RBFOX1: variants seen among roughly 807,000 people sequenced by gnomAD.
RBFOX1 encodes RNA binding protein fox-1 homolog 1.
In RBFOX1, 8 loss-of-function variants were observed where a neutral mutation model predicts 57.7. The ratio of observed to expected loss-of-function variants is 0.14; its 90% CI spans 0.08 to 0.25. The LOEUF is 0.25. Among genes scored for constraint, RBFOX1 ranks in the 10% least tolerant of loss-of-function variants. The probability of loss-of-function intolerance (pLI) is 1.00; values close to 1 mark genes in which losing one functional copy is unlikely to be tolerated. For missense variants in RBFOX1, 611 were observed against 548.5 expected (o/e 1.11, Z -1.14); for synonymous variants, 326 against 222.4 (o/e 1.47, Z -4.15).
At chr16:7,043,128 C>T (rs1283884989) in intron 3 of RBFOX1, among the ~76,000 whole-genome samples, 1 of 147,492 alleles carries the variant, frequency 6.8e-6, no homozygotes, top group African/African-American at 2.5e-5. Flanking sequence ...GTCCTCCCGC[C>T]CAACTCCTAT....
chr16:6,359,388 T>A (rs1473808220), intron 2 of RBFOX1, among the ~76,000 whole-genome samples: 5 of 152,140 alleles, frequency 3.3e-5, no homozygotes, highest in Non-Finnish European at 5.9e-5. Flanking sequence ...CCACTGCACC[T>A]GGCCTAAAAA....
chr16:6,421,411 A>T (rs2093767991), intron 2 of RBFOX1, among the ~76,000 whole-genome samples: 1 of 152,204 alleles, frequency 6.6e-6, no homozygotes, highest in Non-Finnish European at 1.5e-5. Flanking sequence ...GGACCACGCG[A>T]TTTTATTCAA....
chr16:5,375,501 CA>C (rs1423827354), intron 1 of RBFOX1, among the ~76,000 whole-genome samples: 1 of 151,962 alleles, frequency 6.6e-6, no homozygotes, highest in Non-Finnish European at 1.5e-5. Context: ...TGGGGAGGGC[CA>C]GGGGGCAGGG....
intron 3 of RBFOX1, among the ~76,000 whole-genome samples, chr16:5,794,029 G>C (rs1363329815): frequency 6.6e-6 from 1 of 152,018 alleles, no homozygotes; most frequent in African/African-American, 2.4e-5. Flanking sequence ...TCACTTTTTT[G>C]CATTTCTGTG....
chr16:6,562,856 C>CTTTT (rs1567693438), intron 2 of RBFOX1, among the ~76,000 whole-genome samples: 8 of 50,314 alleles, frequency 1.6e-4, no homozygotes, highest in Non-Finnish European at 2.5e-4. Context: ...TTCTTTCTTT[C>CTTTT]TTTCTTTCTT....
chr16:6,784,477 C>G (rs1374816967), intron 3 of RBFOX1, among the ~76,000 whole-genome samples: 7 of 152,028 alleles, frequency 4.6e-5, no homozygotes, highest in Non-Finnish European at 8.8e-5. Context: ...TTATTATAAT[C>G]TCTTTGCTAG....
intron 1 of RBFOX1, among the ~76,000 whole-genome samples, chr16:5,268,655 A>G (rs1919060): frequency 0.14 from 21,804 of 152,200 alleles, 1,997 homozygotes; most frequent in East Asian, 0.35. Flanking sequence ...AGACCAGTCA[A>G]TGTGCCCTCA....
chr16:7,505,457 C>T (rs2072958305), intron 4 of RBFOX1, among the ~76,000 whole-genome samples: 1 of 152,150 alleles, frequency 6.6e-6, no homozygotes, highest in Non-Finnish European at 1.5e-5. Context: ...TTCTGGATGT[C>T]GCTCATTTTT....
intron 1 of RBFOX1, among the ~76,000 whole-genome samples, chr16:5,412,035 T>A (rs563154059): frequency 6.6e-6 from 1 of 152,324 alleles, no homozygotes; most frequent in South Asian, 2.1e-4. Flanking sequence ...GCAGTTTCTT[T>A]GAGTACCATT....
At chr16:6,655,166 G>C (rs1411810579) in intron 3 of RBFOX1, among the ~76,000 whole-genome samples, 1 of 151,472 alleles carries the variant, frequency 6.6e-6, no homozygotes, top group African/African-American at 2.4e-5. Flanking sequence ...CTGAGGTCAG[G>C]AGTTAGAGAC....
intron 4 of RBFOX1, among the ~76,000 whole-genome samples, chr16:7,078,625 G>A (rs1432308667): frequency 1.3e-5 from 2 of 151,456 alleles, no homozygotes; most frequent in Non-Finnish European, 2.9e-5. Flanking sequence ...TGAGATTACA[G>A]GCATGAGCCA....
intron 4 of RBFOX1, among the ~76,000 whole-genome samples, chr16:7,187,305 C>T (rs1413087276): frequency 1.3e-5 from 2 of 152,122 alleles, no homozygotes; most frequent in South Asian, 2.1e-4. Flanking sequence ...TAAAGTGCAT[C>T]TGTCCTTCCT....
intron 4 of RBFOX1, among the ~76,000 whole-genome samples, chr16:7,146,689 C>G (rs908590046): frequency 2.0e-5 from 3 of 151,986 alleles, no homozygotes; most frequent in African/African-American, 7.2e-5. Flanking sequence ...TGGCTCATGC[C>G]TGCAATCCTG....
intron 1 of RBFOX1, among the ~76,000 whole-genome samples, chr16:6,041,797 T>C (rs1045354933): frequency 1.3e-5 from 2 of 152,180 alleles, no homozygotes; most frequent in Non-Finnish European, 2.9e-5. Context: ...CCAAAGACAT[T>C]CTTTGTCCTT....
At chr16:6,979,311 A>G (rs2087992651) in intron 3 of RBFOX1, among the ~76,000 whole-genome samples, 1 of 152,206 alleles carries the variant, frequency 6.6e-6, no homozygotes, top group Non-Finnish European at 1.5e-5. Flanking sequence ...CACGCAGGAT[A>G]TAATAGCATT....
intron 2 of RBFOX1, among the ~76,000 whole-genome samples, chr16:5,501,211 G>C (rs1170713510): frequency 6.6e-6 from 1 of 150,536 alleles, no homozygotes; most frequent in Non-Finnish European, 1.5e-5. Flanking sequence ...CCAGCTACTA[G>C]GGTGGCCGAG....
chr16:7,071,646 TATACATAC>T (rs202241207), intron 4 of RBFOX1, among the ~76,000 whole-genome samples: 10 of 151,388 alleles, frequency 6.6e-5, no homozygotes. Context: ...CTGGGTAATT[TATACATAC>T]ATACATACAT....
intron 1 of RBFOX1, among the ~76,000 whole-genome samples, chr16:6,274,165 G>T (rs186127705): frequency 1.3e-5 from 2 of 152,132 alleles, no homozygotes; most frequent in Non-Finnish European, 2.9e-5. Context: ...ATGTAAACAC[G>T]CAGTTATCAG....
At chr16:6,107,426 ACACACTC>A (rs1175063869) in intron 1 of RBFOX1, among the ~76,000 whole-genome samples, 4 of 152,074 alleles carry the variant, frequency 2.6e-5, no homozygotes, top group Non-Finnish European at 2.9e-5. Flanking sequence ...GTTTAGTAAG[ACACACTC>A]CTCTGAAGCT....
Sources: gnomAD v4.1 joint callset for allele counts (sites outside exome capture counted in the v4.1 genomes callset) on GRCh38, gnomAD v4.1.1 for gene constraint, MANE v1.5 for transcripts, NCBI Gene and HGNC (gene_info 2026-07-23, HGNC 2026-07-21) for gene names.